Variants in NAALADL2 observed in about 807,000 individuals in gnomAD.
NAALADL2 encodes the protein N-acetylated alpha-linked acidic dipeptidase like 2, also known as inactive N-acetylated-alpha-linked acidic dipeptidase-like protein 2.
Under a neutral mutation model 87.2 loss-of-function variants are expected in NAALADL2, and 76 were observed. The observed-to-expected ratio is 0.87, with a 90% CI of 0.72 to 1.05. The LOEUF (loss-of-function observed/expected upper bound fraction) is 1.05. Ranked by LOEUF, NAALADL2 falls within the 50% of genes least tolerant of loss-of-function variation. The probability of loss-of-function intolerance (pLI) is 0.00; values close to 1 mark genes in which losing one functional copy is unlikely to be tolerated. For missense variants in NAALADL2, 1,089 were observed against 945.8 expected (o/e 1.15, Z -1.99); for synonymous variants, 354 against 331.0 (o/e 1.07, Z -0.75).
chr3:175,633,944 A>G (rs1728159284), intron 11 of NAALADL2, among the ~76,000 whole-genome samples: 1 of 151,840 alleles, frequency 6.6e-6, no homozygotes, highest in Non-Finnish European at 1.5e-5. Context: ...ATAATATGGT[A>G]TTGATTTCCA....
intron 13 of NAALADL2, among the ~76,000 whole-genome samples, chr3:175,790,684 C>T (rs143455381): frequency 3.9e-5 from 6 of 152,292 alleles, no homozygotes; most frequent in Non-Finnish European, 7.3e-5. Context: ...TCACTATACT[C>T]CTTTCCTCCC....
chr3:175,051,779 G>C (rs1002276688), intron 1 of NAALADL2, among the ~76,000 whole-genome samples: 4 of 152,194 alleles, frequency 2.6e-5, no homozygotes, highest in African/African-American at 4.8e-5. Context: ...ACTTGGGATT[G>C]AATTCTGAAG....
At position 175,323,494 on chromosome 3, in the gene NAALADL2, TA is replaced by T. The variant is rs1158823047; in HGVS notation, c.940-673del. 7.4e-3 allele frequency among the ~76,000 whole-genome samples: 1,118 copies of T among 150,892 alleles called. 14 individuals carry two copies. Among genetic ancestry groups the T allele is most frequent in the African/African-American group, 0.026 (1,069 of 41,152 alleles). Reference sequence around the variant, plus strand: ...CCTAAATCTTAAAGTATAATAATAATAAAAAAAAGAACCTTATGTATGGTAG... The same window carrying T: ...CCTAAATCTTAAAGTATAATAATAATAAAAAAAGAACCTTATGTATGGTAG... On this transcript the variant is annotated intron_variant, in intron 4 of 13. Coordinates refer to ENST00000454872, the MANE Select transcript of NAALADL2 (RefSeq NM_207015.3).
chr3:175,581,683 C>T (rs77486243), intron 10 of NAALADL2, among the ~76,000 whole-genome samples: 1,791 of 152,120 alleles, frequency 0.012, 36 homozygotes, highest in African/African-American at 0.04. Flanking sequence ...TTTTTGTACT[C>T]CACACACTTG....
At position 175,206,281 on chromosome 3, in the gene NAALADL2, T is replaced by A. The variant is rs1171034714; in HGVS notation, c.546-27650T>A. ...ATATATATTTTTTTTTTTCACTGTGTGTGTGTATGTATGTGTATATATATA... is the reference window on the plus strand; with the variant it reads ...ATATATATTTTTTTTTTTCACTGTGAGTGTGTATGTATGTGTATATATATA... On this transcript the variant is annotated intron_variant, in intron 2 of 13. Coordinates refer to ENST00000454872, the MANE Select transcript of NAALADL2 (RefSeq NM_207015.3). 1.2e-4 allele frequency among the ~76,000 whole-genome samples: 4 copies of A among 34,678 alleles called. 1 individual carries two copies. Among genetic ancestry groups the A allele is most frequent in the Non-Finnish European group, 3.2e-4 (4 of 12,506 alleles). 22.8% of individuals were successfully genotyped at this position (34,678 alleles called of 152,430 possible).
chr3:175,350,010 C>T (rs1763588993), intron 5 of NAALADL2, among the ~76,000 whole-genome samples: 1 of 149,788 alleles, frequency 6.7e-6, no homozygotes, highest in South Asian at 2.1e-4. Context: ...TTCAGGCACA[C>T]TTACAGTTTT....
chr3:175,423,028 A>AAATAT (rs1438736874), intron 5 of NAALADL2, among the ~76,000 whole-genome samples: 11 of 111,310 alleles, frequency 9.9e-5, no homozygotes, highest in African/African-American at 4.5e-4. Flanking sequence ...GAAAAAAAAA[A>AAATAT]ATATATATAT....
intron 1 of NAALADL2, among the ~76,000 whole-genome samples, chr3:175,050,026 A>G (rs1046115466): frequency 6.6e-6 from 1 of 152,106 alleles, no homozygotes; most frequent in Non-Finnish European, 1.5e-5. Context: ...TACTCTGATT[A>G]CCTCCCAAAT....
intron 2 of NAALADL2, among the ~76,000 whole-genome samples, chr3:175,231,287 G>A (rs1744899741): frequency 6.9e-6 from 1 of 145,100 alleles, no homozygotes. Context: ...TAATATTAGA[G>A]ATCTTCTTCT....
Position 175,348,236 on chromosome 3 carries a change from A to G in NAALADL2, c.1090+23911A>G, listed in dbSNP as rs142159790. On this transcript the variant is annotated intron_variant, in intron 5 of 13. Transcript: ENST00000454872. ...CCAGCTAATTTTGTATTTTTAGTAGAGTCGGGGTTTCTCCATGTTGGACAG... is the reference window on the plus strand; with the variant it reads ...CCAGCTAATTTTGTATTTTTAGTAGGGTCGGGGTTTCTCCATGTTGGACAG... Among the ~76,000 whole-genome samples, 1,117 of 152,136 alleles carry G rather than the reference A, an allele frequency of 7.3e-3. 5 individuals are homozygous for G. Among genetic ancestry groups the G allele is most frequent in the Non-Finnish European group, 0.012 (806 of 67,980 alleles).
intron 5 of NAALADL2, among the ~76,000 whole-genome samples, chr3:175,398,547 GT>G (rs151177260): frequency 0.28 from 42,505 of 151,346 alleles, 6,615 homozygotes; most frequent in East Asian, 0.48. Flanking sequence ...CTATAAGGAA[GT>G]TTTTGCAGAA....
chr3:175,172,631 A>C (rs1053144902), intron 2 of NAALADL2, among the ~76,000 whole-genome samples: 6 of 152,198 alleles, frequency 3.9e-5, no homozygotes. Context: ...AGAGAAACAT[A>C]CATGAGTAAG....
intron 10 of NAALADL2, chr3:175,581,222 AC>A: frequency 3.1e-6 from 1 of 317,674 alleles, no homozygotes; most frequent in Non-Finnish European, 6.6e-6. Flanking sequence ...CGGGAGGATC[AC>A]CGGAGGTCAG....
At chr3:175,484,770 C>A (rs566694371) in intron 9 of NAALADL2, among the ~76,000 whole-genome samples, 1 of 152,076 alleles carries the variant, frequency 6.6e-6, no homozygotes, top group Admixed American at 6.6e-5. Flanking sequence ...AATTAGCAAC[C>A]TTACCCAGGA....
chr3:175,572,079 G>A (rs1307856743), intron 9 of NAALADL2, among the ~76,000 whole-genome samples: 1 of 152,078 alleles, frequency 6.6e-6, no homozygotes, highest in East Asian at 1.9e-4. Flanking sequence ...CCTCTGCAAG[G>A]CCAACAGAGA....
chr3:175,751,768 T>C (rs1038117222), intron 12 of NAALADL2, among the ~76,000 whole-genome samples: 1 of 152,120 alleles, frequency 6.6e-6, no homozygotes, highest in Non-Finnish European at 1.5e-5. Context: ...TATTATTTTT[T>C]AAACCCGTAC....
At chr3:175,215,271 CAG>C (rs1282170974) in intron 2 of NAALADL2, among the ~76,000 whole-genome samples, 5 of 152,134 alleles carry the variant, frequency 3.3e-5, no homozygotes, top group African/African-American at 7.2e-5. Context: ...CATTAAAAAT[CAG>C]AGAAATATCA....
At chr3:175,791,795 T>C (rs1212323050) in intron 13 of NAALADL2, among the ~76,000 whole-genome samples, 2 of 151,598 alleles carry the variant, frequency 1.3e-5, no homozygotes, top group Non-Finnish European at 1.5e-5. Context: ...TAAATTTATT[T>C]TTTTCTTAAA....
chr3:175,442,049 G>A (rs1560557513), intron 5 of NAALADL2, among the ~76,000 whole-genome samples: 2 of 151,986 alleles, frequency 1.3e-5, no homozygotes, highest in Non-Finnish European at 2.9e-5. Flanking sequence ...TCAAGCGATT[G>A]TCCTGCCTCA....
Sources: allele counts gnomAD v4.1 joint callset (sites outside exome capture counted in the v4.1 genomes callset), GRCh38; gene constraint gnomAD v4.1.1; transcripts MANE v1.5; gene names NCBI Gene and HGNC (gene_info 2026-07-23, HGNC 2026-07-21).